Variants in SYT1 observed in about 807,000 individuals in gnomAD.
SYT1 encodes synaptotagmin-1.
A neutral mutation model predicts 44.8 loss-of-function variants in SYT1; 8 were observed. The observed-to-expected ratio is 0.18, with a 90% confidence interval of 0.10 to 0.32. The LOEUF is 0.32. SYT1 is among the 10% of genes least tolerant of loss of function. The pLI is 1.00. For synonymous variants in SYT1, 154 were observed against 188.8 expected, an observed-to-expected ratio of 0.82 and a Z score of 1.51; for missense variants, 286 against 509.3, an observed-to-expected ratio of 0.56 and a Z score of 4.22.
At chr12:78,941,379 TTTC>T (rs1878362148) in intron 1 of SYT1, among the ~76,000 whole-genome samples, 3 of 147,422 alleles carry the variant, frequency 2.0e-5, no homozygotes, top group Non-Finnish European at 4.5e-5. Flanking sequence ...GCCTAGAACA[TTTC>T]TTAATAGAAT....
At chr12:78,884,164 A>G (rs1452585793) in intron 1 of SYT1, among the ~76,000 whole-genome samples, 2 of 151,748 alleles carry the variant, frequency 1.3e-5, no homozygotes, top group African/African-American at 2.4e-5. Context: ...GCATTTGCAA[A>G]CATCACATTT....
chr12:78,949,399 TA>T (rs1475977492), intron 1 of SYT1, among the ~76,000 whole-genome samples: 1 of 151,376 alleles, frequency 6.6e-6, no homozygotes, highest in Non-Finnish European at 1.5e-5. Context: ...TGATAACGAG[TA>T]AAATATGTCT....
At chr12:79,023,972 T>C (rs890938853) in intron 2 of SYT1, among the ~76,000 whole-genome samples, 3 of 151,800 alleles carry the variant, frequency 2.0e-5, no homozygotes, top group Admixed American at 6.6e-5. Context: ...AAATTTCACA[T>C]TGATGCAATA....
chr12:79,116,237 A>G (rs560653385), intron 3 of SYT1, among the ~76,000 whole-genome samples: 1 of 152,274 alleles, frequency 6.6e-6, no homozygotes, highest in South Asian at 2.1e-4. Flanking sequence ...TATGGCTGAT[A>G]TTTTTGTTGT....
chr12:79,120,181 G>A (rs547612159), intron 3 of SYT1, among the ~76,000 whole-genome samples: 137 of 152,108 alleles, frequency 9.0e-4, no homozygotes, highest in African/African-American at 3.2e-3. Flanking sequence ...GTTCGTATGC[G>A]GCGATGAGAA....
At chr12:79,286,239 C>G (rs1413115821) in intron 5 of SYT1, among the ~76,000 whole-genome samples, 2 of 152,072 alleles carry the variant, frequency 1.3e-5, no homozygotes, top group Admixed American at 6.6e-5. Context: ...GAGAATGATG[C>G]CTGAATATTT....
At chr12:78,874,825 G>T (rs1184842778) in intron 1 of SYT1, among the ~76,000 whole-genome samples, 6 of 151,586 alleles carry the variant, frequency 4.0e-5, no homozygotes, top group African/African-American at 1.2e-4. Context: ...TTATACCAGT[G>T]TGAAAAGTCT....
intron 3 of SYT1, among the ~76,000 whole-genome samples, chr12:79,172,548 CT>C (rs1871592667): frequency 6.6e-6 from 1 of 151,740 alleles, no homozygotes; most frequent in Non-Finnish European, 1.5e-5. Context: ...ACTAGTTTTG[CT>C]TTCTTTCTTC....
chr12:79,442,808 C>T (rs188829434), intron 9 of SYT1, among the ~76,000 whole-genome samples: 140 of 152,204 alleles, frequency 9.2e-4, no homozygotes, highest in African/African-American at 2.3e-3. Flanking sequence ...GAAAGTTTCT[C>T]CTAGCTCTAC....
At chr12:79,395,678 T>A (rs1884839919) in intron 9 of SYT1, among the ~76,000 whole-genome samples, 1 of 150,586 alleles carries the variant, frequency 6.6e-6, no homozygotes, top group Non-Finnish European at 1.5e-5. Flanking sequence ...TGAGCCAACA[T>A]GCCTGACTAT....
chr12:78,969,549 T>G (rs1368734064), intron 1 of SYT1, among the ~76,000 whole-genome samples: 1 of 152,164 alleles, frequency 6.6e-6, no homozygotes, highest in Non-Finnish European at 1.5e-5. Context: ...AGAGCCATTA[T>G]GGGCCATGGC....
intron 4 of SYT1, among the ~76,000 whole-genome samples, chr12:79,238,684 A>G (rs1303385138): frequency 6.6e-6 from 1 of 152,172 alleles, no homozygotes; most frequent in African/African-American, 2.4e-5. Context: ...GGCAGAGCTA[A>G]CTCTCCTGCC....
At chr12:79,050,903 G>A (rs1165415969) in intron 3 of SYT1, among the ~76,000 whole-genome samples, 2 of 151,900 alleles carry the variant, frequency 1.3e-5, no homozygotes, top group Non-Finnish European at 2.9e-5. Context: ...GTGTAATAGT[G>A]GCATAAAGCT....
At chr12:79,300,792 TATATATA>T (rs1565897799) in intron 8 of SYT1, among the ~76,000 whole-genome samples, 1,277 of 74,866 alleles carry the variant, frequency 0.017, 38 homozygotes, top group African/African-American at 0.05. Context: ...ATACTTATTA[TATATATA>T]TATATATATA....
At chr12:79,234,075 C>A (rs923900401) in intron 4 of SYT1, among the ~76,000 whole-genome samples, 16 of 152,236 alleles carry the variant, frequency 1.1e-4, no homozygotes, top group Non-Finnish European at 2.1e-4. Flanking sequence ...TTCTCTAATT[C>A]TCTTTCTTTC....
intron 1 of SYT1, among the ~76,000 whole-genome samples, chr12:78,900,235 A>G (rs1875587219): frequency 6.6e-6 from 1 of 152,136 alleles, no homozygotes; most frequent in East Asian, 1.9e-4. Context: ...CATTTAACAA[A>G]TATTGATTTA....
At chr12:79,100,598 T>A (rs941494594) in intron 3 of SYT1, among the ~76,000 whole-genome samples, 14 of 152,146 alleles carry the variant, frequency 9.2e-5, no homozygotes, top group Non-Finnish European at 2.9e-5. Context: ...AAAATACTTA[T>A]TATCAGATGA....
chr12:78,982,210 A>G (rs1304054209), intron 2 of SYT1, among the ~76,000 whole-genome samples: 1 of 152,202 alleles, frequency 6.6e-6, no homozygotes, highest in Non-Finnish European at 1.5e-5. Flanking sequence ...GATATATCTC[A>G]TTACTAGGCT....
intron 4 of SYT1, among the ~76,000 whole-genome samples, chr12:79,274,114 C>A: frequency 6.6e-6 from 1 of 152,160 alleles, no homozygotes; most frequent in East Asian, 1.9e-4. Flanking sequence ...GAAAGAAACT[C>A]CCAAATGAGA....
Sources: allele counts gnomAD v4.1 joint callset (sites outside exome capture counted in the v4.1 genomes callset), GRCh38; gene constraint gnomAD v4.1.1; transcripts MANE v1.5; gene names NCBI Gene and HGNC (gene_info 2026-07-23, HGNC 2026-07-21).